The following PCDH11X variants were observed in gnomAD, a reference collection of about 807,000 sequenced individuals.
PCDH11X encodes protocadherin 11 X-linked.
Under a neutral mutation model 53.3 loss-of-function variants are expected in PCDH11X, and 18 were observed. The observed-to-expected ratio is 0.34, with a 90% CI of 0.23 to 0.50. The LOEUF (loss-of-function observed/expected upper bound fraction) is 0.50, where lower values mean the gene tolerates loss of function less well. Among genes scored for constraint, PCDH11X ranks in the 20% least tolerant of loss-of-function variants. PCDH11X has a pLI of 0.98. For missense variants in PCDH11X, 570 were observed against 1,032.4 expected, an observed-to-expected ratio of 0.55 and a Z score of 6.14; for synonymous variants, 279 against 393.3, an observed-to-expected ratio of 0.71 and a Z score of 3.44.
rs761071404 is a variant in PCDH11X at position 91,877,693 on chromosome X, T to C, written c.1453T>C (p.Leu485=). 8.3e-5 allele frequency: 100 copies of C among 1,209,317 alleles called. No homozygotes were observed. In the South Asian group the frequency reaches 1.3e-3, roughly 16 times the overall value. The change falls in exon 6 of 11, where the codon TTG becomes CTG. Residue 485 remains leucine, a synonymous_variant. Coordinates refer to ENST00000682573, the MANE Select transcript of PCDH11X (RefSeq NM_032968.5). ...TGAGAATAACTCTCCTGGCATCCAG[T>C]TGACGAAAGTAAGTGCAATGGATGC... is the stretch of plus-strand genomic sequence containing the variant. ...IPENNSPGIQ[L]TKVSAMDADS...
intron 10 of PCDH11X, among the ~76,000 whole-genome samples, chrX:92,588,694 G>T (rs1924678921): frequency 9.1e-6 from 1 of 109,415 alleles, no homozygotes; most frequent in South Asian, 4.0e-4. Flanking sequence ...CATGTAAGGG[G>T]TATTGGCCTT....
intron 6 of PCDH11X, among the ~76,000 whole-genome samples, chrX:91,887,891 G>A (rs1371562076): frequency 9.0e-6 from 1 of 111,122 alleles, no homozygotes; most frequent in Non-Finnish European, 1.9e-5. Context: ...TCTCCACCAT[G>A]AGACTAAACT....
Position 92,473,134 on chromosome X carries a change from AT to A in PCDH11X, c.3367+4814del, listed in dbSNP as rs755468051. On this transcript the variant is annotated intron_variant, in intron 10 of 10. Transcript: ENST00000682573. ...AGATATTTATTATGGCTTTGAGCTC[AT>A]TATTTGTTATGGATATGTTCAGGTT... 4.7e-4 allele frequency among the ~76,000 whole-genome samples: 50 copies of A among 107,495 alleles called. No homozygotes were observed. The Admixed American group carries it at 5.0e-3, about 11-fold the overall frequency. The allele number at this position is 107,495 out of a possible 115,157, so 93.3% of individuals were successfully genotyped here. A position where few individuals can be genotyped will look rare whatever the true frequency, so the allele number is the denominator to read the frequency against.
At chrX:92,341,962 A>C (rs1243285237) in intron 8 of PCDH11X, among the ~76,000 whole-genome samples, 1 of 112,252 alleles carries the variant, frequency 8.9e-6, no homozygotes, top group African/African-American at 3.2e-5. Context: ...AATATCCAGA[A>C]TCTCTAAGGA....
intron 6 of PCDH11X, among the ~76,000 whole-genome samples, chrX:91,901,829 C>A (rs1457746953): frequency 1.8e-5 from 2 of 111,614 alleles, no homozygotes; most frequent in Non-Finnish European, 3.8e-5. Flanking sequence ...GGCATACATT[C>A]ATGAAAATAA....
chrX:92,230,433 ATATT>A (rs2067046164), intron 7 of PCDH11X, among the ~76,000 whole-genome samples: 1 of 45,545 alleles, frequency 2.2e-5, no homozygotes. Context: ...ATATAAATAT[ATATT>A]ATATATTTAT....
At chrX:92,480,341 C>T (rs1453957679) in intron 10 of PCDH11X, among the ~76,000 whole-genome samples, 1 of 111,099 alleles carries the variant, frequency 9.0e-6, no homozygotes, top group African/African-American at 3.3e-5. Context: ...ATTCTGAATT[C>T]AATTTCTGTC....
At chrX:92,155,617 C>CT (rs775178966) in intron 6 of PCDH11X, among the ~76,000 whole-genome samples, 1,625 of 79,443 alleles carry the variant, frequency 0.02, 95 homozygotes, top group African/African-American at 0.071. Context: ...ACTTCAATAG[C>CT]TTTTTTTTTT....
rs866500640 is a variant in PCDH11X at position 92,148,077 on chromosome X, T to C, written c.3034-53298T>C. ...TCCTTCCTTTCTTTCTTTCTTTCTT[T>C]CTTTCTTTCTTTCTTTCTTTCTTTC... On this transcript the variant is annotated intron_variant, in intron 6 of 10. Coordinates refer to ENST00000682573, the MANE Select transcript of PCDH11X (RefSeq NM_032968.5). Among the ~76,000 whole-genome samples, 104 of 12,359 alleles carry C rather than the reference T, an allele frequency of 8.4e-3. 8 individuals carry two copies. The highest frequency in any genetic ancestry group is 0.035 in the African/African-American group (95 of 2,706). The allele number at this position is 12,359 out of a possible 115,157, so 10.7% of individuals were successfully genotyped here. A position where few individuals can be genotyped will look rare whatever the true frequency, so the allele number is the denominator to read the frequency against.
chrX:92,337,724 C>T (rs34436590), intron 8 of PCDH11X, among the ~76,000 whole-genome samples: 5 of 111,400 alleles, frequency 4.5e-5, no homozygotes, highest in South Asian at 3.8e-4. Context: ...GATTAATTGG[C>T]GTAACCAGGT....
chrX:91,909,376 G>T (rs1162257994), intron 6 of PCDH11X, among the ~76,000 whole-genome samples: 1 of 107,123 alleles, frequency 9.3e-6, no homozygotes, highest in East Asian at 3.0e-4. Context: ...ACATTTCGTG[G>T]CTCATATGTT....
At chrX:91,793,740 T>A (rs953422233) in intron 1 of PCDH11X, among the ~76,000 whole-genome samples, 1 of 111,431 alleles carries the variant, frequency 9.0e-6, no homozygotes, top group East Asian at 2.8e-4. Flanking sequence ...TTGGCTTAGA[T>A]ATAGACTGTT....
At chrX:92,373,905 T>A (rs6618993) in intron 8 of PCDH11X, among the ~76,000 whole-genome samples, 1 of 110,805 alleles carries the variant, frequency 9.0e-6, no homozygotes, top group Non-Finnish European at 1.9e-5. Flanking sequence ...TAAATGAAAT[T>A]GTATCCTATT....
At chrX:92,148,153 C>T (rs866504070) in intron 6 of PCDH11X, among the ~76,000 whole-genome samples, 1 of 22,228 alleles carries the variant, frequency 4.5e-5, no homozygotes, top group South Asian at 1.8e-3. Flanking sequence ...TCCTTCCTTC[C>T]TTCCTTCCTT....
chrX:92,261,514 T>G (rs146498535), intron 7 of PCDH11X, among the ~76,000 whole-genome samples: 13,300 of 111,392 alleles, frequency 0.12, 1,221 homozygotes, highest in African/African-American at 0.3. Context: ...TAGATGTGTT[T>G]CACATTTTTA....
intron 10 of PCDH11X, among the ~76,000 whole-genome samples, chrX:92,495,813 A>G (rs1391590572): frequency 9.4e-6 from 1 of 106,881 alleles, no homozygotes; most frequent in African/African-American, 3.7e-5. Context: ...TAAAGCCATC[A>G]GATCTCGTGA....
intron 10 of PCDH11X, among the ~76,000 whole-genome samples, chrX:92,481,885 A>G (rs985462352): frequency 1.3e-4 from 13 of 101,245 alleles, no homozygotes; most frequent in African/African-American, 1.1e-4. Flanking sequence ...GTGAGTGCTA[A>G]TTGCTCCTTG....
At chrX:91,800,164 C>G (rs1262784450) in intron 1 of PCDH11X, among the ~76,000 whole-genome samples, 1 of 110,488 alleles carries the variant, frequency 9.1e-6, no homozygotes, top group African/African-American at 3.3e-5. Flanking sequence ...CTTCTACTCT[C>G]TTTTTTCCTT....
At chrX:91,796,685 G>A (rs1935746113) in intron 1 of PCDH11X, among the ~76,000 whole-genome samples, 1 of 111,522 alleles carries the variant, frequency 9.0e-6, no homozygotes, top group African/African-American at 3.2e-5. Flanking sequence ...AAATACCAAT[G>A]CCAAATTTAC....
Sources: allele counts gnomAD v4.1 joint callset (sites outside exome capture counted in the v4.1 genomes callset), GRCh38; gene constraint gnomAD v4.1.1; transcripts MANE v1.5; gene names NCBI Gene and HGNC (gene_info 2026-07-23, HGNC 2026-07-21).